Variants in MYO1D observed in about 807,000 individuals in gnomAD.
MYO1D encodes the protein myosin ID.
A neutral mutation model predicts 122.0 loss-of-function variants in MYO1D; 83 were observed. The ratio of observed to expected loss-of-function variants is 0.68; its 90% confidence interval spans 0.57 to 0.82. MYO1D has a LOEUF of 0.82. MYO1D is among the 40% of genes least tolerant of loss of function. MYO1D has a pLI of 0.00. For missense variants in MYO1D, 1,157 were observed against 1,269.5 expected, an observed-to-expected ratio of 0.91 and a Z score of 1.35; for synonymous variants, 464 against 446.9, an observed-to-expected ratio of 1.04 and a Z score of -0.48.
At chr17:32,735,750 C>A (rs2089694136) in intron 14 of MYO1D, among the ~76,000 whole-genome samples, 1 of 151,840 alleles carries the variant, frequency 6.6e-6, no homozygotes, top group African/African-American at 2.4e-5. Context: ...TGTTAGGTAC[C>A]ATGTTAGTTC....
At chr17:32,818,121 G>A (rs1461269868) in intron 1 of MYO1D, among the ~76,000 whole-genome samples, 1 of 39,096 alleles carries the variant, frequency 2.6e-5, no homozygotes, top group Non-Finnish European at 4.9e-5. Context: ...GCGAGACTCC[G>A]TCTCAAAAAA....
At chr17:32,603,663 C>T (rs1421820496) in intron 21 of MYO1D, among the ~76,000 whole-genome samples, 1 of 151,388 alleles carries the variant, frequency 6.6e-6, no homozygotes, top group Non-Finnish European at 1.5e-5. Flanking sequence ...GTAGCTGGGA[C>T]TACAGGTGCC....
chr17:32,738,155 C>A (rs1194798959), intron 14 of MYO1D, 98 bp downstream of exon 14: 8 of 1,054,228 alleles, frequency 7.6e-6, no homozygotes, highest in Non-Finnish European at 1.1e-5. Flanking sequence ...CTTCAATCTA[C>A]ATGATTACCT....
Position 32,786,715 on chromosome 17 carries a change from G to C in MYO1D, c.96-5931C>G, listed in dbSNP as rs533006579. Among the ~76,000 whole-genome samples the C allele has an allele frequency of 2.6e-5, 4 of 152,298 alleles. No homozygotes were observed. The South Asian group carries it at 8.3e-4, about 32-fold the overall frequency. ...CATACCTGTAATCCCAACTACTTGG[G>C]AGGCTGAGGCAGGAGAATCTCTTGA... On this transcript the variant is annotated intron_variant, in intron 1 of 21. Transcript: ENST00000318217.
At chr17:32,766,620 G>A (rs561551633) in intron 7 of MYO1D, among the ~76,000 whole-genome samples, 3 of 151,966 alleles carry the variant, frequency 2.0e-5, no homozygotes, top group East Asian at 1.9e-4. Flanking sequence ...GTGAAACCCC[G>A]TCTCTACTAA....
chr17:32,793,492 T>C (rs910486819), intron 1 of MYO1D, among the ~76,000 whole-genome samples: 2 of 152,196 alleles, frequency 1.3e-5, no homozygotes. Flanking sequence ...TTCCTAAAAA[T>C]TGTATTGCTT....
chr17:32,768,885 T>A (rs2151021615), intron 6 of MYO1D, among the ~76,000 whole-genome samples: 2 of 152,294 alleles, frequency 1.3e-5, no homozygotes, highest in South Asian at 4.1e-4. Context: ...AGTAACTGGA[T>A]AAAATCTAAA....
In MYO1D at chr17:32,780,745, G is replaced by C. The variant is rs751570935; in HGVS notation, c.135C>G (p.Val45=). ...KGRIYTFIGE[V]VVSVNPYKLL... The stretch of plus-strand genomic sequence containing the variant: ...ACTTGTAAGGGTTCACAGAAACGAC[G>C]ACTTCTCCAATGAACGTATAGATGC... Residue 45 remains valine, a synonymous_variant, in exon 2 of 22, where the codon GTC becomes GTG. Transcript: ENST00000318217. 6.2e-7 allele frequency: 1 copy of C among 1,613,988 alleles called. No homozygotes were observed. The highest frequency in any genetic ancestry group is 8.5e-7 in the Non-Finnish European group (1 of 1,180,030).
At position 32,494,729 on chromosome 17, in the gene MYO1D, C is replaced by A; in HGVS notation, c.*30G>T. 1 of 1,556,592 alleles carries A rather than the reference C, an allele frequency of 6.4e-7. No homozygotes were observed. Among genetic ancestry groups the A allele is most frequent in the East Asian group, 2.4e-5 (1 of 41,962 alleles). On this transcript the variant is annotated 3_prime_UTR_variant, in exon 22 of 22. Transcript: ENST00000318217. ...CTGGGACCCAGGACTCGGAGTGTGG[C>A]CGGGCTCCGGGCCAGGCCTCCGCGG...
In MYO1D at chr17:32,771,213, T is replaced by C; in HGVS notation, c.626A>G (p.Gln209Arg). The change falls in exon 6 of 22, where the codon CAA becomes CGA. Residue 209 changes from glutamine (Q) to arginine (R), a missense_variant. Coordinates refer to ENST00000318217, the MANE Select transcript of MYO1D (RefSeq NM_015194.3). ...RSFHSFYQLL[Q>R]GGSEQMLRSL... ...GCGTAGCATTTGTTCTGAACCTCCT[T>C]GGAGTAGCTGAAAAATATTTAATTA... 6.2e-7 allele frequency: 1 copy of C among 1,601,538 alleles called. No homozygotes were observed. The highest frequency in any genetic ancestry group is 8.5e-7 in the Non-Finnish European group (1 of 1,170,020).
At chr17:32,539,745 G>A (rs139788599) in intron 21 of MYO1D, among the ~76,000 whole-genome samples, 2 of 152,166 alleles carry the variant, frequency 1.3e-5, no homozygotes, top group Non-Finnish European at 2.9e-5. Flanking sequence ...TCTGCAAAGA[G>A]CCTTTTTCCA....
intron 21 of MYO1D, chr17:32,498,591 C>T (rs561231810): frequency 1.3e-5 from 2 of 152,274 alleles, no homozygotes; most frequent in South Asian, 4.1e-4. Context: ...TTCCTGAGAG[C>T]CTGGGAAGCC....
At chr17:32,625,014 C>G (rs571196975) in intron 20 of MYO1D, among the ~76,000 whole-genome samples, 1 of 152,248 alleles carries the variant, frequency 6.6e-6, no homozygotes, top group African/African-American at 2.4e-5. Flanking sequence ...TGGTCTTGAA[C>G]TCCTGGACTC....
rs780707505 is a variant in MYO1D at position 32,738,357 on chromosome 17, G to A, written c.1642C>T (p.Pro548Ser). The change falls in exon 14 of 22, where the codon CCT becomes TCT. Residue 548 changes from proline (P) to serine (S), a missense_variant. Pro to Ser is a moderately conservative substitution (Grantham distance 74, BLOSUM62 -1). Coordinates refer to ENST00000318217, the MANE Select transcript of MYO1D (RefSeq NM_015194.3). Reference sequence around the variant, plus strand: ...TCTGTAATGCTCAGTTTGCCTTCAGGCCACATATTCTTGAGCACAGGATTT... The same window carrying A: ...TCTGTAATGCTCAGTTTGCCTTCAGACCACATATTCTTGAGCACAGGATTT... The part of the protein sequence containing the change: ...SSNPVLKNMW[P>S]EGKLSITEVT... 1 of 1,601,898 alleles carries A rather than the reference G, an allele frequency of 6.2e-7. No individual in the cohort carries two copies. The highest frequency in any genetic ancestry group is 1.1e-5 in the South Asian group (1 of 87,710).
intron 21 of MYO1D, among the ~76,000 whole-genome samples, chr17:32,536,486 C>T (rs1173942104): frequency 1.3e-5 from 2 of 152,008 alleles, no homozygotes; most frequent in Admixed American, 6.6e-5. Context: ...TTATCATGGC[C>T]GAATTAGTGG....
intron 21 of MYO1D, among the ~76,000 whole-genome samples, chr17:32,559,414 G>A (rs956107980): frequency 9.9e-5 from 15 of 152,234 alleles, no homozygotes; most frequent in Non-Finnish European, 1.8e-4. Context: ...ACTCGGAGCT[G>A]AGTCTCACTC....
intron 20 of MYO1D, among the ~76,000 whole-genome samples, chr17:32,623,256 T>C (rs896129597): frequency 2.0e-5 from 3 of 152,238 alleles, no homozygotes; most frequent in Non-Finnish European, 4.4e-5. Flanking sequence ...GAAATCCTTC[T>C]AATGTTTATT....
chr17:32,731,438 T>G (rs1032884172), intron 14 of MYO1D, among the ~76,000 whole-genome samples: 1 of 152,236 alleles, frequency 6.6e-6, no homozygotes, highest in Non-Finnish European at 1.5e-5. Context: ...TATTAAGCAT[T>G]CTCATATTCT....
intron 20 of MYO1D, among the ~76,000 whole-genome samples, chr17:32,614,072 A>ATTTTTTTTT (rs527897976): frequency 7.9e-6 from 1 of 126,604 alleles, no homozygotes; most frequent in Non-Finnish European, 1.6e-5. Flanking sequence ...TAATGTTTTA[A>ATTTTTTTTT]TTTTTTTTTT....
Sources: gnomAD v4.1 joint callset for allele counts (sites outside exome capture counted in the v4.1 genomes callset) on GRCh38, gnomAD v4.1.1 for gene constraint, MANE v1.5 for transcripts, NCBI Gene and HGNC (gene_info 2026-07-23, HGNC 2026-07-21) for gene names.